ADTRP: variants seen among roughly 807,000 people sequenced by gnomAD.
ADTRP encodes androgen-dependent TFPI-regulating protein.
ADTRP carries 20 observed loss-of-function variants against 27.0 expected under a neutral mutation model. That is an observed-to-expected ratio of 0.74 (90% CI 0.52 to 1.08). The LOEUF is 1.08. Among genes scored for constraint, ADTRP ranks in the 50% least tolerant of loss-of-function variants. The pLI is 0.00. For synonymous variants in ADTRP, 101 were observed against 105.2 expected (o/e 0.96, Z 0.25); for missense variants, 251 against 275.0 (o/e 0.91, Z 0.62).
intron 1 of ADTRP, chr6:11,770,136 A>G (rs1286424811): frequency 1.3e-6 from 2 of 1,517,136 alleles, no homozygotes; most frequent in Admixed American, 2.0e-5. Flanking sequence ...CGTAGTTCAG[A>G]TAAAGCATTG....
At chr6:11,773,778 G>A (rs1763861111) in intron 1 of ADTRP, among the ~76,000 whole-genome samples, 1 of 152,200 alleles carries the variant, frequency 6.6e-6, no homozygotes, top group African/African-American at 2.4e-5. Context: ...CAGCAAGTGA[G>A]CACAGCCAGT....
At chr6:11,774,311 A>AAAATATAAATAAAT (rs1554116598) in intron 1 of ADTRP, among the ~76,000 whole-genome samples, 5 of 144,614 alleles carry the variant, frequency 3.5e-5, no homozygotes, top group Non-Finnish European at 7.5e-5. Context: ...TTCCATCTCA[A>AAAATATAAATAAAT]AAATAAATAA....
intron 5 of ADTRP, among the ~76,000 whole-genome samples, chr6:11,719,452 C>T (rs928571099): frequency 6.6e-6 from 1 of 152,176 alleles, no homozygotes; most frequent in Non-Finnish European, 1.5e-5. Context: ...GTCGAGTCAC[C>T]ATCTCTAGAG....
chr6:11,724,458 G>C (rs1260374061), intron 4 of ADTRP, among the ~76,000 whole-genome samples: 5 of 152,350 alleles, frequency 3.3e-5, no homozygotes, highest in South Asian at 4.1e-4. Context: ...TAGGCTGTAA[G>C]TCATTTCTGG....
intron 1 of ADTRP, among the ~76,000 whole-genome samples, chr6:11,777,006 T>C (rs953092927): frequency 6.6e-6 from 1 of 152,220 alleles, no homozygotes. Flanking sequence ...GATATGGTCA[T>C]CCAGGTAGGC....
rs181658114 is a variant in ADTRP at position 11,754,656 on chromosome 6, A to G, written c.390+11618T>C. 3.6e-3 allele frequency among the ~76,000 whole-genome samples: 544 copies of G among 152,340 alleles called. 3 individuals are homozygous for G. Among genetic ancestry groups the G allele is most frequent in the African/African-American group, 0.012 (516 of 41,586 alleles). On this transcript the variant is annotated intron_variant, in intron 3 of 5. Coordinates refer to ENST00000414691, the MANE Select transcript of ADTRP (RefSeq NM_032744.4). ...ATTGGACAAATTCAAATTTCCAATTAGGCATAAGTGGCTTCTTAGTAGGCA... is the reference window on the plus strand; with the variant it reads ...ATTGGACAAATTCAAATTTCCAATTGGGCATAAGTGGCTTCTTAGTAGGCA...
chr6:11,758,200 C>G (rs1763273662), intron 3 of ADTRP, among the ~76,000 whole-genome samples: 2 of 152,058 alleles, frequency 1.3e-5, no homozygotes, highest in African/African-American at 4.8e-5. Context: ...GTGGCTTGTT[C>G]TTTGACTTTT....
At chr6:11,758,579 G>GGGC (rs1554114789) in intron 3 of ADTRP, among the ~76,000 whole-genome samples, 1 of 116,886 alleles carries the variant, frequency 8.6e-6, no homozygotes, top group South Asian at 3.9e-4. Flanking sequence ...GTGGGGTGGG[G>GGGC]GGGGGGGACG....
At chr6:11,717,426 G>T in intron 5 of ADTRP, 1 of 1,303,542 alleles carries the variant, frequency 7.7e-7, no homozygotes, top group South Asian at 1.2e-5. Context: ...TGCAGGCATG[G>T]CCAAGAAATT....
intron 3 of ADTRP, among the ~76,000 whole-genome samples, chr6:11,746,106 T>C (rs895250689): frequency 5.9e-5 from 9 of 152,106 alleles, no homozygotes; most frequent in African/African-American, 1.9e-4. Flanking sequence ...TTTTTTTTTC[T>C]TGCTAAGAAT....
At chr6:11,720,068 A>G (rs1326943217) in intron 5 of ADTRP, among the ~76,000 whole-genome samples, 3 of 152,200 alleles carry the variant, frequency 2.0e-5, no homozygotes, top group African/African-American at 7.2e-5. Context: ...GGGCCAAGAT[A>G]GAGACTGAGG....
At chr6:11,716,806 C>T (rs1331727339) in intron 5 of ADTRP, among the ~76,000 whole-genome samples, 3 of 151,026 alleles carry the variant, frequency 2.0e-5, no homozygotes, top group South Asian at 2.1e-4. Flanking sequence ...CCTCTGCCTC[C>T]CAGATTCAAG....
intron 3 of ADTRP, among the ~76,000 whole-genome samples, chr6:11,740,712 T>C (rs1762688421): frequency 6.6e-6 from 1 of 152,224 alleles, no homozygotes; most frequent in Non-Finnish European, 1.5e-5. Flanking sequence ...TGCTACAATT[T>C]CTGCCTCTAA....
intron 3 of ADTRP, chr6:11,736,015 T>A (rs1266721943): frequency 9.9e-6 from 2 of 202,152 alleles, no homozygotes; most frequent in African/African-American, 4.7e-5. Flanking sequence ...CAGGCTGGAG[T>A]GCAGTGCCAC....
At chr6:11,722,339 C>T (rs576348994) in intron 5 of ADTRP, among the ~76,000 whole-genome samples, 14 of 152,274 alleles carry the variant, frequency 9.2e-5, no homozygotes, top group East Asian at 3.9e-4. Context: ...CTCTCAGAAA[C>T]GCACACTCTG....
At chr6:11,769,061 A>C (rs1485105381) in intron 1 of ADTRP, among the ~76,000 whole-genome samples, 2 of 152,168 alleles carry the variant, frequency 1.3e-5, no homozygotes, top group Non-Finnish European at 2.9e-5. Context: ...CAAAGCCAGG[A>C]GAAAGAGAAG....
At chr6:11,735,508 G>A in intron 4 of ADTRP, 60 bp downstream of exon 4, 1 of 1,271,456 alleles carries the variant, frequency 7.9e-7, no homozygotes. Context: ...CACATTTCTG[G>A]AACTTCCCTC....
chr6:11,770,413 A>G (rs1739906236), intron 1 of ADTRP, among the ~76,000 whole-genome samples: 1 of 152,058 alleles, frequency 6.6e-6, no homozygotes, highest in African/African-American at 2.4e-5. Context: ...CAGGCTGTTG[A>G]GCCCTCCTGT....
At chr6:11,717,090 T>C (rs1761858484) in intron 5 of ADTRP, 1 of 402,510 alleles carries the variant, frequency 2.5e-6, no homozygotes, top group Non-Finnish European at 4.3e-6. Flanking sequence ...TAATAGATCA[T>C]ATATCTTACC....
Sources: gnomAD v4.1 joint callset for allele counts (sites outside exome capture counted in the v4.1 genomes callset) on GRCh38, gnomAD v4.1.1 for gene constraint, MANE v1.5 for transcripts, NCBI Gene and HGNC (gene_info 2026-07-23, HGNC 2026-07-21) for gene names.